Variants in ZFAND3 observed in about 807,000 individuals in gnomAD.
The protein encoded by ZFAND3 is AN1-type zinc finger protein 3.
A neutral mutation model predicts 29.6 loss-of-function variants in ZFAND3; 10 were observed. That is an observed-to-expected ratio of 0.34 (90% CI 0.21 to 0.57). The LOEUF is 0.57. Among genes scored for constraint, ZFAND3 ranks in the 20% least tolerant of loss-of-function variants. The pLI, the probability that ZFAND3 is intolerant of heterozygous loss-of-function variation, is 0.86. For synonymous variants in ZFAND3, 128 were observed against 112.6 expected, an observed-to-expected ratio of 1.14 and a Z score of -0.87; for missense variants, 230 against 304.5, an observed-to-expected ratio of 0.76 and a Z score of 1.82.
At chr6:38,071,673 A>G (rs553437142) in intron 3 of ZFAND3, among the ~76,000 whole-genome samples, 2 of 152,236 alleles carry the variant, frequency 1.3e-5, no homozygotes, top group East Asian at 3.9e-4. Context: ...GGGTCTTCTC[A>G]TAAAGGAATA....
intron 4 of ZFAND3, among the ~76,000 whole-genome samples, chr6:38,114,902 C>T (rs755248459): frequency 4.6e-5 from 7 of 152,144 alleles, no homozygotes; most frequent in African/African-American, 1.7e-4. Context: ...ATTTCCTGCC[C>T]TCTTGGAGTT....
chr6:38,046,750 A>G (rs1763911610), intron 2 of ZFAND3, among the ~76,000 whole-genome samples: 1 of 152,252 alleles, frequency 6.6e-6, no homozygotes, highest in South Asian at 2.1e-4. Flanking sequence ...GGGTTAGATT[A>G]TCTGATATTT....
intron 1 of ZFAND3, among the ~76,000 whole-genome samples, chr6:37,848,953 T>G (rs1010420122): frequency 1.3e-5 from 2 of 152,236 alleles, no homozygotes; most frequent in Non-Finnish European, 2.9e-5. Flanking sequence ...TGATCTAGTT[T>G]GACAAGTGAA....
At chr6:38,130,068 T>A (rs1765713417) in intron 5 of ZFAND3, among the ~76,000 whole-genome samples, 1 of 148,578 alleles carries the variant, frequency 6.7e-6, no homozygotes. Context: ...GTTTTCATTT[T>A]GATGGTTTTT....
chr6:37,942,033 A>T (rs1302813684), intron 2 of ZFAND3, among the ~76,000 whole-genome samples: 1 of 152,134 alleles, frequency 6.6e-6, no homozygotes, highest in Admixed American at 6.6e-5. Context: ...TAATTTGTAC[A>T]TTTCGATGCC....
intron 1 of ZFAND3, among the ~76,000 whole-genome samples, chr6:37,866,419 AC>A (rs1181924698): frequency 2.0e-5 from 3 of 152,138 alleles, no homozygotes; most frequent in Admixed American, 6.6e-5. Context: ...GATAACCCCC[AC>A]TTCTTTTTTT....
At chr6:37,902,395 A>G (rs2127401250) in intron 1 of ZFAND3, among the ~76,000 whole-genome samples, 1 of 152,254 alleles carries the variant, frequency 6.6e-6, no homozygotes, top group African/African-American at 2.4e-5. Flanking sequence ...TGAGCCCAAG[A>G]GGTTGAGGCT....
intron 1 of ZFAND3, among the ~76,000 whole-genome samples, chr6:37,898,858 CATGTT>C (rs1253536072): frequency 1.3e-5 from 2 of 152,058 alleles, no homozygotes; most frequent in Admixed American, 6.5e-5. Context: ...GATACCCAGT[CATGTT>C]ATGTATGAAT....
At chr6:37,847,920 A>G (rs976154193) in intron 1 of ZFAND3, among the ~76,000 whole-genome samples, 1 of 152,250 alleles carries the variant, frequency 6.6e-6, no homozygotes, top group African/African-American at 2.4e-5. Flanking sequence ...ATTTTGTGCT[A>G]CAGTGACAGA....
At chr6:38,128,879 C>T (rs1765688792) in intron 5 of ZFAND3, among the ~76,000 whole-genome samples, 1 of 152,150 alleles carries the variant, frequency 6.6e-6, no homozygotes, top group Admixed American at 6.5e-5. Flanking sequence ...ATTGCCGGAT[C>T]AATGGTAGTT....
At chr6:37,982,939 T>G (rs909897554) in intron 2 of ZFAND3, among the ~76,000 whole-genome samples, 17 of 152,324 alleles carry the variant, frequency 1.1e-4, no homozygotes, top group African/African-American at 4.1e-4. Context: ...CTTAGGCTAA[T>G]GTATGTGTTT....
chr6:38,058,715 T>A (rs1179755057), intron 2 of ZFAND3, among the ~76,000 whole-genome samples: 1 of 152,240 alleles, frequency 6.6e-6, no homozygotes, highest in East Asian at 1.9e-4. Context: ...GGCTTTGTTG[T>A]CAAATGGACC....
At chr6:38,081,455 T>C (rs999959558) in intron 3 of ZFAND3, among the ~76,000 whole-genome samples, 1 of 152,152 alleles carries the variant, frequency 6.6e-6, no homozygotes, top group African/African-American at 2.4e-5. Context: ...TTTCCCTCCT[T>C]TTCAGTGAGT....
chr6:38,138,128 A>G (rs1364295612), intron 5 of ZFAND3, among the ~76,000 whole-genome samples: 1 of 152,140 alleles, frequency 6.6e-6, no homozygotes, highest in Non-Finnish European at 1.5e-5. Context: ...CCTGGGCAAC[A>G]TAGTGAGACC....
At chr6:37,860,622 G>A (rs774603196) in intron 1 of ZFAND3, among the ~76,000 whole-genome samples, 10 of 150,884 alleles carry the variant, frequency 6.6e-5, no homozygotes, top group Non-Finnish European at 1.5e-4. Context: ...TTAGTGCCAA[G>A]GGGATATTCA....
At chr6:37,996,021 C>T (rs778807159) in intron 2 of ZFAND3, among the ~76,000 whole-genome samples, 11 of 151,134 alleles carry the variant, frequency 7.3e-5, no homozygotes, top group Non-Finnish European at 1.5e-4. Context: ...CCCAGCTACT[C>T]GGGAAGCTCA....
intron 2 of ZFAND3, among the ~76,000 whole-genome samples, chr6:38,057,576 C>A (rs143100582): frequency 1.3e-5 from 2 of 152,144 alleles, no homozygotes; most frequent in African/African-American, 4.8e-5. Flanking sequence ...AACCACCTCC[C>A]TTTGTTTTAC....
intron 2 of ZFAND3, among the ~76,000 whole-genome samples, chr6:38,043,598 T>C (rs2842503): frequency 0.97 from 141,322 of 144,970 alleles, 68,998 homozygotes; most frequent in East Asian, 1. Context: ...CTTCACCTCC[T>C]TCTCTTCCTT....
At chr6:37,852,419 A>G (rs1764297084) in intron 1 of ZFAND3, among the ~76,000 whole-genome samples, 1 of 152,170 alleles carries the variant, frequency 6.6e-6, no homozygotes, top group African/African-American at 2.4e-5. Context: ...TCTAACCTGT[A>G]CTTGTTTGCT....
Sources: gnomAD v4.1 joint callset for allele counts (sites outside exome capture counted in the v4.1 genomes callset) on GRCh38, gnomAD v4.1.1 for gene constraint, MANE v1.5 for transcripts, NCBI Gene and HGNC (gene_info 2026-07-23, HGNC 2026-07-21) for gene names.